Variants in PHC2 observed in about 807,000 individuals in gnomAD.
The protein encoded by PHC2 is polyhomeotic homolog 2.
Under a neutral mutation model 87.4 loss-of-function variants are expected in PHC2, and 29 were observed. The ratio of observed to expected loss-of-function variants is 0.33; its 90% CI spans 0.25 to 0.45. The LOEUF is 0.45. PHC2 is among the 20% of genes least tolerant of loss of function. The pLI, the probability that PHC2 is intolerant of heterozygous loss-of-function variation, is 1.00. For synonymous variants in PHC2, 438 were observed against 461.7 expected, an observed-to-expected ratio of 0.95 and a Z score of 0.66; for missense variants, 857 against 1,136.7, an observed-to-expected ratio of 0.75 and a Z score of 3.54.
intron 9 of PHC2, among the ~76,000 whole-genome samples, chr1:33,338,315 G>A (rs1276281875): frequency 6.6e-6 from 1 of 152,248 alleles, no homozygotes; most frequent in African/African-American, 2.4e-5. Flanking sequence ...TGTTAAGAGA[G>A]AGAACACACT....
chr1:33,370,607 G>C, intron 4 of PHC2, 22 bp from the exon 5 acceptor site: 1 of 1,600,904 alleles, frequency 6.2e-7, no homozygotes, highest in Non-Finnish European at 8.5e-7. Context: ...GACATGTGCG[G>C]TAGGAGATAG....
intron 9 of PHC2, among the ~76,000 whole-genome samples, chr1:33,344,090 G>A (rs142874973): frequency 1.9e-4 from 29 of 152,290 alleles, no homozygotes; most frequent in Non-Finnish European, 2.6e-4. Context: ...AGGAAGCACT[G>A]CTTTACTTAG....
At chr1:33,400,194 A>G (rs1012450487) in intron 1 of PHC2, among the ~76,000 whole-genome samples, 18 of 152,238 alleles carry the variant, frequency 1.2e-4, no homozygotes, top group African/African-American at 4.1e-4. Context: ...TGGTAAGAAT[A>G]TAATTTGGAA....
intron 7 of PHC2, chr1:33,358,910 T>C (rs12043497): frequency 0.17 from 26,198 of 152,100 alleles, 2,778 homozygotes; most frequent in South Asian, 0.27. Flanking sequence ...CCGCTTTGCT[T>C]TGCACTGCCC....
At chr1:33,329,244 T>C in intron 13 of PHC2, 98 bp from the exon 14 acceptor site, 1 of 1,294,346 alleles carries the variant, frequency 7.7e-7, no homozygotes, top group Non-Finnish European at 1.1e-6. Flanking sequence ...CTTGGCCTAC[T>C]ACTACACATC....
At chr1:33,344,841 T>G (rs1462485642) in intron 9 of PHC2, among the ~76,000 whole-genome samples, 1 of 152,056 alleles carries the variant, frequency 6.6e-6, no homozygotes, top group African/African-American at 2.4e-5. Flanking sequence ...ACTCCTGCGC[T>G]CAAGTGATCC....
chr1:33,395,224 T>C (rs1375823803), intron 1 of PHC2, among the ~76,000 whole-genome samples: 1 of 152,124 alleles, frequency 6.6e-6, no homozygotes, highest in Admixed American at 6.5e-5. Flanking sequence ...GTTCTATTTA[T>C]ATGGAGTTCT....
chr1:33,357,185 G>A (rs1002064233), intron 7 of PHC2, among the ~76,000 whole-genome samples: 1 of 152,148 alleles, frequency 6.6e-6, no homozygotes, highest in Non-Finnish European at 1.5e-5. Context: ...CTGGAGGCCC[G>A]CAAATGGATT....
In PHC2 at chr1:33,386,255, C is replaced by T. The variant is rs528234062; in HGVS notation, c.-54-10662G>A. ...ACCCCTGGCTGAGTGCGGTGGCTTACGCTTGTAATCCCAGCACTTTGGGAG... is the reference window on the plus strand; with the variant it reads ...ACCCCTGGCTGAGTGCGGTGGCTTATGCTTGTAATCCCAGCACTTTGGGAG... On this transcript the variant is annotated intron_variant, in intron 1 of 14. Transcript: ENST00000683057. 2.4e-4 allele frequency among the ~76,000 whole-genome samples: 36 copies of T among 151,712 alleles called. No individual in the cohort carries two copies. The South Asian group carries it at 6.7e-3, about 28-fold the overall frequency.
intron 1 of PHC2, among the ~76,000 whole-genome samples, chr1:33,414,114 A>G (rs553831375): frequency 1.3e-5 from 2 of 152,258 alleles, no homozygotes; most frequent in South Asian, 4.1e-4. Flanking sequence ...TGCCTGGCAT[A>G]TATAAGATAC....
chr1:33,343,281 T>C (rs1646780018), intron 9 of PHC2, among the ~76,000 whole-genome samples: 1 of 151,160 alleles, frequency 6.6e-6, no homozygotes, highest in African/African-American at 2.4e-5. Context: ...GTCAACATGG[T>C]GAAACCCTGT....
At chr1:33,429,664 A>G (rs1215807398) in intron 1 of PHC2, among the ~76,000 whole-genome samples, 1 of 152,232 alleles carries the variant, frequency 6.6e-6, no homozygotes, top group East Asian at 1.9e-4. Context: ...CACTTCTTTC[A>G]GGACAAGGAC....
chr1:33,411,541 T>C (rs1186599478), intron 1 of PHC2, among the ~76,000 whole-genome samples: 1 of 151,958 alleles, frequency 6.6e-6, no homozygotes, highest in African/African-American at 2.4e-5. Context: ...AAGAAAGTGA[T>C]CATATGATCA....
intron 1 of PHC2, among the ~76,000 whole-genome samples, chr1:33,418,267 T>C (rs1243696117): frequency 3.3e-5 from 5 of 151,304 alleles, no homozygotes; most frequent in Non-Finnish European, 5.9e-5. Flanking sequence ...AGAGAGAAAA[T>C]TGATGAAATG....
intron 3 of PHC2, among the ~76,000 whole-genome samples, chr1:33,371,434 C>A (rs530430496): frequency 6.6e-5 from 10 of 152,244 alleles, no homozygotes; most frequent in African/African-American, 2.4e-4. Context: ...CCAGCCACCA[C>A]CATCACACCT....
In PHC2 at chr1:33,325,130, A is replaced by G. The variant is rs559960023; in HGVS notation, c.2426-111T>C. ...GTTATCTGCATCCATTATTTCTTTT[A>G]GTCCTCATAACCACGCCTTGAGGAA... On this transcript the variant is annotated intron_variant, in intron 14 of 14. Transcript: ENST00000683057. 9 of 1,101,670 alleles carry G rather than the reference A, an allele frequency of 8.2e-6. No homozygotes were observed. The African/African-American group carries it at 9.4e-5, about 12-fold the overall frequency. The allele number at this position is 1,101,670 out of a possible 1,614,324, so 68.2% of individuals were successfully genotyped here.
rs1646501714 is a variant in PHC2, at chr1:33,331,713, C to A, written c.1892-251G>T. 1 of 419,410 alleles carries A rather than the reference C, an allele frequency of 2.4e-6. No homozygotes were observed. Among genetic ancestry groups the A allele is most frequent in the Non-Finnish European group, 4.3e-6 (1 of 234,966 alleles). 26.0% of individuals were successfully genotyped at this position (419,410 alleles called of 1,614,324 possible). A position where few individuals can be genotyped will look rare whatever the true frequency, so the allele number is the denominator to read the frequency against. On this transcript the variant is annotated intron_variant, in intron 11 of 14. Transcript: ENST00000683057. This position sits in a 1 kb window ranked among gnomAD's most constrained non-coding sequence, Gnocchi z 5.2. ...CGTGGTCTGAGTCTGAGGCAAAACA[C>A]AGGTGGGGAAGAATCAGCATCAAAT...
At chr1:33,430,394 GC>G (rs1241820419) in intron 1 of PHC2, among the ~76,000 whole-genome samples, 1 of 152,154 alleles carries the variant, frequency 6.6e-6, no homozygotes, top group Non-Finnish European at 1.5e-5. Context: ...CTCTGCTGGT[GC>G]CCCCCACGCC....
intron 1 of PHC2, among the ~76,000 whole-genome samples, chr1:33,386,505 T>A (rs1379067926): frequency 6.6e-6 from 1 of 150,986 alleles, no homozygotes; most frequent in Non-Finnish European, 1.5e-5. Flanking sequence ...GGTGACAGAG[T>A]GAGACTCTGT....
Sources: allele counts gnomAD v4.1 joint callset (sites outside exome capture counted in the v4.1 genomes callset), GRCh38; gene constraint gnomAD v4.1.1; non-coding constraint Gnocchi (gnomAD v3.1); transcripts MANE v1.5; gene names NCBI Gene and HGNC (gene_info 2026-07-23, HGNC 2026-07-21).